RCSD1: variants seen among roughly 807,000 people sequenced by gnomAD.
RCSD1 encodes capZ-interacting protein.
A neutral mutation model predicts 42.5 loss-of-function variants in RCSD1; 26 were observed. The ratio of observed to expected loss-of-function variants is 0.61; its 90% CI spans 0.45 to 0.85. The LOEUF (loss-of-function observed/expected upper bound fraction) is 0.85. Among genes scored for constraint, RCSD1 ranks in the 40% least tolerant of loss-of-function variants. RCSD1 has a pLI of 0.00. For synonymous variants in RCSD1, 220 were observed against 212.2 expected (o/e 1.04, Z -0.32); for missense variants, 571 against 528.3 (o/e 1.08, Z -0.79).
intron 1 of RCSD1, among the ~76,000 whole-genome samples, chr1:167,678,406 C>T (rs949742124): frequency 6.0e-5 from 8 of 133,774 alleles, no homozygotes; most frequent in African/African-American, 2.3e-4. Context: ...CTCTCCCCAA[C>T]ATGGCTTTCA....
intron 3 of RCSD1, among the ~76,000 whole-genome samples, chr1:167,687,113 T>G (rs1380862411): frequency 6.6e-6 from 1 of 152,216 alleles, no homozygotes; most frequent in Admixed American, 6.5e-5. Flanking sequence ...TGGCTTATAA[T>G]GGCCAAGGGC....
chr1:167,681,995 G>A (rs1178510075), intron 1 of RCSD1, among the ~76,000 whole-genome samples: 1 of 152,106 alleles, frequency 6.6e-6, no homozygotes, highest in Non-Finnish European at 1.5e-5. Context: ...CTTGAATAGA[G>A]GTGAATCCTT....
intron 5 of RCSD1, among the ~76,000 whole-genome samples, 163 bp from the exon 6 acceptor site, chr1:167,696,936 C>T (rs1266669283): frequency 2.0e-5 from 3 of 152,136 alleles, no homozygotes; most frequent in Non-Finnish European, 4.4e-5. Flanking sequence ...TGGCTCTAAT[C>T]TATAATAAAT....
Position 167,630,243 on chromosome 1 carries a change from G to T in RCSD1, c.-181G>T. ...CCTCCTTCCTCGTTCTCTCGCGCAG[G>T]GCCCCCGCGGCCGGGGCAGTCCCGC... is the stretch of plus-strand genomic sequence containing the variant. On this transcript the variant is annotated 5_prime_UTR_variant, in exon 1 of 7. Coordinates refer to ENST00000367854, the MANE Select transcript of RCSD1 (RefSeq NM_052862.4). 4.8e-6 allele frequency: 1 copy of T among 209,276 alleles called. No homozygotes were observed. 13.0% of individuals were successfully genotyped at this position (209,276 alleles called of 1,614,324 possible).
chr1:167,690,071 A>T lies in RCSD1; in HGVS notation c.221A>T (p.His74Leu), dbSNP rs142322848. 240 of 1,613,978 alleles carry T rather than the reference A, an allele frequency of 1.5e-4. 1 individual carries two copies. Among genetic ancestry groups the T allele is most frequent in the Admixed American group, 3.5e-4 (21 of 59,990 alleles). The part of the protein sequence containing the change: ...GEEKSPPNAS[H>L]PPKFKVKSSP... ...TAGAAATCACCACCCAATGCGAGCC[A>T]CCCTCCTAAATTCAAGGTCAAGAGC... The change falls in exon 4 of 7, where the codon CAC becomes CTC. Residue 74 changes from histidine to leucine, a missense_variant. Transcript: ENST00000367854.
At chr1:167,699,140 T>G (rs754605897) in intron 6 of RCSD1, among the ~76,000 whole-genome samples, 6 of 152,130 alleles carry the variant, frequency 3.9e-5, no homozygotes, top group Non-Finnish European at 8.8e-5. Context: ...TTTTTCCCCC[T>G]GCGTATATAA....
chr1:167,700,102 A>T (rs1034114050), intron 6 of RCSD1, among the ~76,000 whole-genome samples: 1 of 152,240 alleles, frequency 6.6e-6, no homozygotes, highest in Non-Finnish European at 1.5e-5. Flanking sequence ...TCTTTAAAAA[A>T]ATCTTTGTTG....
chr1:167,707,459 T>C lies in RCSD1; in HGVS notation c.*2763T>C, dbSNP rs964285076. 6.6e-6 allele frequency among the ~76,000 whole-genome samples: 1 copy of C among 152,130 alleles called. No homozygotes were observed. The highest frequency in any genetic ancestry group is 2.4e-5 in the African/African-American group (1 of 41,426). ...TGAAAAACAGAACTATACAGATCAA[T>C]GAATCTCTCCCCCTTTTTCAGCCTC... On this transcript the variant is annotated 3_prime_UTR_variant, in exon 7 of 7. Transcript: ENST00000367854.
chr1:167,674,479 ATCG>A (rs545723232), intron 1 of RCSD1, among the ~76,000 whole-genome samples: 1,589 of 152,338 alleles, frequency 0.01, 17 homozygotes, highest in Middle Eastern at 0.031. Context: ...TTATTGAGAT[ATCG>A]TTTACATACA....
intron 6 of RCSD1, among the ~76,000 whole-genome samples, chr1:167,698,058 G>A (rs1403799569): frequency 6.6e-6 from 1 of 152,218 alleles, no homozygotes; most frequent in Non-Finnish European, 1.5e-5. Context: ...TTCTGCTCTT[G>A]CCAACTTCTC....
chr1:167,687,522 C>CA (rs111700732), intron 3 of RCSD1, among the ~76,000 whole-genome samples: 14,585 of 88,220 alleles, frequency 0.17, 2,198 homozygotes, highest in African/African-American at 0.42. Context: ...GACTCCGTCT[C>CA]AAAAAAAAAA....
intron 1 of RCSD1, among the ~76,000 whole-genome samples, chr1:167,634,004 G>A (rs867679775): frequency 1.6e-4 from 24 of 152,186 alleles, no homozygotes; most frequent in African/African-American, 5.3e-4. Flanking sequence ...GCCTTTTGCA[G>A]GCAGATTTTC....
intron 6 of RCSD1, among the ~76,000 whole-genome samples, chr1:167,698,594 C>A (rs1255457687): frequency 6.6e-6 from 1 of 152,006 alleles, no homozygotes; most frequent in African/African-American, 2.4e-5. Flanking sequence ...CCCAGGAAGC[C>A]CATCTTGAGC....
intron 1 of RCSD1, among the ~76,000 whole-genome samples, chr1:167,631,022 C>T (rs1228826582): frequency 6.6e-6 from 1 of 152,172 alleles, no homozygotes; most frequent in Non-Finnish European, 1.5e-5. Flanking sequence ...ACTGGTCAGT[C>T]GAATGACATT....
At chr1:167,696,783 A>G (rs919817439) in intron 5 of RCSD1, among the ~76,000 whole-genome samples, 1 of 152,166 alleles carries the variant, frequency 6.6e-6, no homozygotes, top group African/African-American at 2.4e-5. Flanking sequence ...GAATAAAATT[A>G]CTAAATTAGA....
chr1:167,686,246 G>A (rs1391100469), intron 3 of RCSD1, among the ~76,000 whole-genome samples: 2 of 152,140 alleles, frequency 1.3e-5, no homozygotes, highest in Non-Finnish European at 2.9e-5. Context: ...TCTCACCTGG[G>A]AGGCCAACCC....
chr1:167,692,311 T>A (rs931772519), intron 4 of RCSD1, among the ~76,000 whole-genome samples: 2 of 152,270 alleles, frequency 1.3e-5, no homozygotes, highest in Non-Finnish European at 2.9e-5. Flanking sequence ...AAATTCACAA[T>A]TCAACTTTTC....
intron 1 of RCSD1, among the ~76,000 whole-genome samples, chr1:167,639,284 A>G (rs913272534): frequency 5.3e-5 from 8 of 152,158 alleles, no homozygotes; most frequent in African/African-American, 1.7e-4. Context: ...GACTCCCAGC[A>G]CACTAGGACG....
At chr1:167,679,987 A>C (rs1255332952) in intron 1 of RCSD1, among the ~76,000 whole-genome samples, 3 of 152,188 alleles carry the variant, frequency 2.0e-5, no homozygotes, top group African/African-American at 7.2e-5. Context: ...CCATAGAAAT[A>C]GAAAGTAAAC....
Sources: allele counts gnomAD v4.1 joint callset (sites outside exome capture counted in the v4.1 genomes callset), GRCh38; gene constraint gnomAD v4.1.1; transcripts MANE v1.5; gene names NCBI Gene and HGNC (gene_info 2026-07-23, HGNC 2026-07-21).